The following RBCK1 variants were observed in gnomAD, a reference collection of about 807,000 sequenced individuals.
RBCK1 encodes the protein ranBP-type and C3HC4-type zinc finger-containing protein 1.
Under a neutral mutation model 71.1 loss-of-function variants are expected in RBCK1, and 44 were observed. The observed-to-expected ratio is 0.62, with a 90% CI of 0.49 to 0.80. The LOEUF is 0.80. RBCK1 is among the 30% of genes least tolerant of loss of function. The probability of loss-of-function intolerance (pLI) is 0.00; values close to 1 mark genes in which losing one functional copy is unlikely to be tolerated. For missense variants in RBCK1, 569 were observed against 685.0 expected (o/e 0.83, Z 1.89); for synonymous variants, 306 against 279.7 (o/e 1.09, Z -0.94).
At chr20:421,835 G>C (rs932421185) in intron 7 of RBCK1, 1 of 407,418 alleles carries the variant, frequency 2.5e-6, no homozygotes, top group Non-Finnish European at 4.5e-6. Flanking sequence ...GCTGTTCTGA[G>C]ATAGACTCTA....
intron 2 of RBCK1, among the ~76,000 whole-genome samples, chr20:413,087 A>C (rs1360034387): frequency 1.3e-5 from 2 of 152,106 alleles, no homozygotes; most frequent in African/African-American, 2.4e-5. Flanking sequence ...AAATTAATTG[A>C]CCATAAATGT....
rs1271306708 is a variant in RBCK1 at position 419,870 on chromosome 20, C to CTGGCAGTA, written c.756+139_756+140insTGGCAGTA. On this transcript the variant is annotated intron_variant, in intron 6 of 11. Coordinates refer to ENST00000356286, the MANE Select transcript of RBCK1 (RefSeq NM_031229.4). ...AACCATGCTGCTGGCAGTGACCCTG[C>CTGGCAGTA]ACCTGGCTGTGACCCTGCACCTGGC... 5.2e-3 allele frequency: 1,565 copies of CTGGCAGTA among 303,262 alleles called. 7 individuals carry two copies. The Middle Eastern group carries it at 0.076, about 15-fold the overall frequency. The allele number at this position is 303,262 out of a possible 1,614,324, so 18.8% of individuals were successfully genotyped here.
Position 422,109 on chromosome 20 carries a change from T to G in RBCK1, c.918-18T>G, listed in dbSNP as rs746101066. ...GGGGTTCCTATGATCCTAACTCTTTTCCCCTCCCCTCCCCTAGGGAGTGCC... is the reference window on the plus strand; with the variant it reads ...GGGGTTCCTATGATCCTAACTCTTTGCCCCTCCCCTCCCCTAGGGAGTGCC... On this transcript the variant is annotated intron_variant, in intron 7 of 11. Coordinates refer to ENST00000356286, the MANE Select transcript of RBCK1 (RefSeq NM_031229.4). This position sits in a 1 kb window ranked among gnomAD's most constrained non-coding sequence, Gnocchi z 5.0. 5 of 1,597,622 alleles carry G rather than the reference T, an allele frequency of 3.1e-6. No individual in the cohort carries two copies. The Admixed American group carries it at 6.7e-5, about 21-fold the overall frequency.
In RBCK1 at chr20:417,825, G is replaced by T; in HGVS notation, c.355G>T (p.Val119Leu). ...CCAGGAGACCCTGCACTCCCATGGG[G>T]TGCGGCAGAATGGGGACAGTGCCTA... ...RDQETLHSHG[V>L]RQNGDSAYLY... Residue 119 changes from valine to leucine, a missense_variant, in exon 4 of 12, where the codon GTG becomes TTG. Coordinates refer to ENST00000356286, the MANE Select transcript of RBCK1 (RefSeq NM_031229.4). This position sits in a 1 kb window ranked among gnomAD's most constrained non-coding sequence, Gnocchi z 4.7. The T allele has an allele frequency of 6.2e-7, 1 of 1,614,062 alleles. No homozygotes were observed. The highest frequency in any genetic ancestry group is 8.5e-7 in the Non-Finnish European group (1 of 1,179,998).
chr20:419,435 G>A lies in RBCK1; in HGVS notation c.549G>A (p.Arg183=). 1 of 1,609,178 alleles carries A rather than the reference G, an allele frequency of 6.2e-7. No individual in the cohort carries two copies. The highest frequency in any genetic ancestry group is 8.5e-7 in the Non-Finnish European group (1 of 1,178,078). The part of the protein sequence containing the change: ...PKPGVPQEPG[R]GQPDAVPEPP... ...CCGGGGTCCCCCAGGAACCCGGACG[G>A]GGGCAGCCAGATGCAGTGCCTGAGC... Residue 183 remains arginine (R), a synonymous_variant, in exon 5 of 12, where the codon CGG becomes CGA. Transcript: ENST00000356286.
chr20:417,800 C>T lies in RBCK1; in HGVS notation c.330C>T (p.Asp110=), dbSNP rs2016085804. ...QWVIGQRLAR[D]QETLHSHGVR... ...TGATTGGGCAGCGGCTGGCACGAGA[C>T]CAGGAGACCCTGCACTCCCATGGGG... is the stretch of plus-strand genomic sequence containing the variant. The change falls in exon 4 of 12, where the codon GAC becomes GAT. Residue 110 remains aspartate, a synonymous_variant. Coordinates refer to ENST00000356286, the MANE Select transcript of RBCK1 (RefSeq NM_031229.4). The surrounding 1 kb of genome is among the most constrained non-coding windows in gnomAD (Gnocchi z 4.7). 2 of 1,614,074 alleles carry T rather than the reference C, an allele frequency of 1.2e-6. No individual in the cohort carries two copies. Among genetic ancestry groups the T allele is most frequent in the Admixed American group, 1.7e-5 (1 of 60,028 alleles).
chr20:418,031 G>A, intron 4 of RBCK1, 101 bp downstream of exon 4: 1 of 1,210,140 alleles, frequency 8.3e-7, no homozygotes, highest in Non-Finnish European at 1.1e-6. Context: ...TTTAGTCAGG[G>A]ACTCACCCAG....
rs757115540 is a variant in RBCK1 at position 417,538 on chromosome 20, C to T, written c.180C>T (p.Ser60=). The change falls in exon 3 of 12, where the codon AGC becomes AGT. Residue 60 remains serine (S), a synonymous_variant. Coordinates refer to ENST00000356286, the MANE Select transcript of RBCK1 (RefSeq NM_031229.4). This position sits in a 1 kb window ranked among gnomAD's most constrained non-coding sequence, Gnocchi z 4.7. ...SPTQDIRLWV[S]VEDAQMHTVT... ...CTGTTCTCTGCAGGCTGTGGGTGAG[C>T]GTGGAGGATGCTCAGATGCACACCG... The T allele has an allele frequency of 6.8e-6, 11 of 1,613,212 alleles. No individual in the cohort carries two copies. Among genetic ancestry groups the T allele is most frequent in the African/African-American group, 4.0e-5 (3 of 74,890 alleles).
intron 8 of RBCK1, among the ~76,000 whole-genome samples, chr20:424,453 T>C (rs372845814): frequency 5.9e-5 from 9 of 152,300 alleles, no homozygotes; most frequent in African/African-American, 2.2e-4. Flanking sequence ...GCCTCTCTCC[T>C]ATGCCCCTAT....
In RBCK1 at chr20:408,523, C is replaced by G. The variant is rs2015502958; in HGVS notation, c.-235C>G. 1.6e-6 allele frequency: 1 copy of G among 606,350 alleles called. No homozygotes were observed. Among genetic ancestry groups the G allele is most frequent in the South Asian group, 1.9e-5 (1 of 53,204 alleles). The allele number at this position is 606,350 out of a possible 1,614,324, so 37.6% of individuals were successfully genotyped here. A position where few individuals can be genotyped will look rare whatever the true frequency, so the allele number is the denominator to read the frequency against. On this transcript the variant is annotated 5_prime_UTR_variant, in exon 1 of 12. Transcript: ENST00000356286. ...CCTCCTGCGCCCAGTGCGGACCTGT[C>G]TCGGCGCCCGCTGCCCTCTCACCGC... is the stretch of plus-strand genomic sequence containing the variant.
intron 6 of RBCK1, chr20:420,306 C>T (rs1490001997): frequency 3.0e-6 from 3 of 984,708 alleles, no homozygotes; most frequent in Admixed American, 6.2e-5. Flanking sequence ...TCGTGACACA[C>T]GCACTAATGA....
rs2016703920 is a variant in RBCK1 at position 426,165 on chromosome 20, A to G, written c.1030-1148A>G. Among the ~76,000 whole-genome samples the G allele has an allele frequency of 2.0e-5, 3 of 152,240 alleles. No homozygotes were observed. The South Asian group carries it at 6.2e-4, about 32-fold the overall frequency. ...GCATGCAATGCGTAATAATCACATC[A>G]TGGAGAATGGGGAATCCATCCCCTC... On this transcript the variant is annotated intron_variant, in intron 8 of 11. Transcript: ENST00000356286.
chr20:413,788 C>T (rs376868018), intron 2 of RBCK1, among the ~76,000 whole-genome samples: 92 of 151,240 alleles, frequency 6.1e-4, no homozygotes, highest in African/African-American at 2.1e-3. Context: ...CAAATGATAC[C>T]TGTTGTATGT....
chr20:421,036 G>A lies in RBCK1; in HGVS notation c.917+5G>A. ...GTGTCTGCACACCTTCTGCAGGTGCGGCCCCCAGTCCCACCCCCGGCAATG... is the reference window on the plus strand; with the variant it reads ...GTGTCTGCACACCTTCTGCAGGTGCAGCCCCCAGTCCCACCCCCGGCAATG... On this transcript the variant is annotated splice_donor_5th_base_variant and intron_variant, in intron 7 of 11. Transcript: ENST00000356286. The A allele has an allele frequency of 6.5e-7, 1 of 1,542,596 alleles. No homozygotes were observed. Among genetic ancestry groups the A allele is most frequent in the South Asian group, 1.2e-5 (1 of 84,090 alleles).
At chr20:421,232 T>C (rs1229526514) in intron 7 of RBCK1, among the ~76,000 whole-genome samples, 1 of 152,100 alleles carries the variant, frequency 6.6e-6, no homozygotes, top group Non-Finnish European at 1.5e-5. Flanking sequence ...GGCCCACGGC[T>C]CATGAGAGAA....
At chr20:412,045 G>C (rs2015740654) in intron 2 of RBCK1, among the ~76,000 whole-genome samples, 1 of 152,170 alleles carries the variant, frequency 6.6e-6, no homozygotes. Flanking sequence ...GTTACTTTTT[G>C]AAGAAATGCC....
chr20:419,438 G>A lies in RBCK1; in HGVS notation c.552G>A (p.Gly184=). Reference sequence around the variant, plus strand: ...GGGTCCCCCAGGAACCCGGACGGGGGCAGCCAGATGCAGTGCCTGAGCCCC... The same window carrying A: ...GGGTCCCCCAGGAACCCGGACGGGGACAGCCAGATGCAGTGCCTGAGCCCC... ...KPGVPQEPGR[G]QPDAVPEPPP... Residue 184 remains glycine (G), a synonymous_variant, in exon 5 of 12, where the codon GGG becomes GGA. Transcript: ENST00000356286. 3 of 1,608,320 alleles carry A rather than the reference G, an allele frequency of 1.9e-6. No individual in the cohort carries two copies. The highest frequency in any genetic ancestry group is 2.5e-6 in the Non-Finnish European group (3 of 1,177,704).
intron 8 of RBCK1, among the ~76,000 whole-genome samples, chr20:425,374 G>C (rs536546935): frequency 1.3e-5 from 2 of 152,298 alleles, no homozygotes; most frequent in East Asian, 1.9e-4. Context: ...TGTACTCATT[G>C]TAAGTATGCA....
chr20:424,688 T>C (rs370402266), intron 8 of RBCK1, among the ~76,000 whole-genome samples: 1 of 152,150 alleles, frequency 6.6e-6, no homozygotes, highest in South Asian at 2.1e-4. Flanking sequence ...CCAGCACCCA[T>C]AGCCATTTGC....
Sources: allele counts gnomAD v4.1 joint callset (sites outside exome capture counted in the v4.1 genomes callset), GRCh38; gene constraint gnomAD v4.1.1; non-coding constraint Gnocchi (gnomAD v3.1); transcripts MANE v1.5; gene names NCBI Gene and HGNC (gene_info 2026-07-23, HGNC 2026-07-21).